GGACT: variants seen among roughly 807,000 people sequenced by gnomAD.
GGACT encodes the protein gamma-glutamylamine cyclotransferase.
For synonymous variants in GGACT, 118 were observed against 115.3 expected (o/e 1.02, Z -0.15); for missense variants, 241 against 233.2 (o/e 1.03, Z -0.22).
intron 2 of GGACT, among the ~76,000 whole-genome samples, chr13:100,565,239 A>C (rs2088800452): frequency 6.6e-6 from 1 of 152,236 alleles, no homozygotes; most frequent in Admixed American, 6.5e-5. Context: ...AGAGTTCAAA[A>C]AACTGGGAGA....
rs368059420 is a variant in GGACT, at chr13:100,544,967, C to A, written c.-10-12366G>T. Reference sequence around the variant, plus strand: ...CAAATTCCAGGCACGGCAGCAGGAGCGGAGGTGCTGCCAGCCCCTGCTGCC... The same window carrying A: ...CAAATTCCAGGCACGGCAGCAGGAGAGGAGGTGCTGCCAGCCCCTGCTGCC... On this transcript the variant is annotated intron_variant, in intron 2 of 2. Transcript: ENST00000683975. Among the ~76,000 whole-genome samples the A allele has an allele frequency of 5.9e-5, 9 of 152,332 alleles. No homozygotes were observed. The East Asian group carries it at 1.7e-3, about 29-fold the overall frequency.
At chr13:100,564,475 A>G (rs991078367) in intron 2 of GGACT, among the ~76,000 whole-genome samples, 1 of 152,244 alleles carries the variant, frequency 6.6e-6, no homozygotes, top group Non-Finnish European at 1.5e-5. Flanking sequence ...TTTTAAAAAA[A>G]TTATCCAAGT....
chr13:100,550,331 CA>C (rs1566532444), intron 2 of GGACT, among the ~76,000 whole-genome samples: 3 of 144,868 alleles, frequency 2.1e-5, no homozygotes, highest in African/African-American at 5.3e-5. Context: ...CACACACACA[CA>C]CACACACACA....
At chr13:100,574,482 A>G (rs905723208) in intron 2 of GGACT, among the ~76,000 whole-genome samples, 1 of 152,206 alleles carries the variant, frequency 6.6e-6, no homozygotes, top group Non-Finnish European at 1.5e-5. Flanking sequence ...AGGCTGAGGC[A>G]GAAGAATCGA....
intron 2 of GGACT, among the ~76,000 whole-genome samples, chr13:100,565,481 A>C (rs1369317161): frequency 6.6e-6 from 1 of 152,208 alleles, no homozygotes; most frequent in East Asian, 1.9e-4. Flanking sequence ...TGGTGACACC[A>C]GGTGTTTGAA....
At chr13:100,539,701 T>C (rs539615287) in intron 2 of GGACT, 4 of 595,670 alleles carry the variant, frequency 6.7e-6, no homozygotes, top group Admixed American at 3.2e-5. Flanking sequence ...ATCAGGGTGA[T>C]GCTCAACACT....
Position 100,534,141 on chromosome 13 carries a change from C to T in GGACT, c.-10-1540G>A, listed in dbSNP as rs1443029379. On this transcript the variant is annotated intron_variant, in intron 2 of 2. Coordinates refer to ENST00000683975, the MANE Select transcript of GGACT (RefSeq NM_001195087.2). This position sits in a 1 kb window ranked among gnomAD's most constrained non-coding sequence, Gnocchi z 4.9. ...CAAACAAGAGCTGCTCTGGGGGGTT[C>T]TAGGCCTCATTTTGCTCAAGAGGCA... is the stretch of plus-strand genomic sequence containing the variant. Among the ~76,000 whole-genome samples, 1 of 152,218 alleles carries T rather than the reference C, an allele frequency of 6.6e-6. No individual in the cohort carries two copies. The highest frequency in any genetic ancestry group is 1.5e-5 in the Non-Finnish European group (1 of 68,034).
chr13:100,535,933 CTG>C (rs1222366034), intron 2 of GGACT: 2 of 152,162 alleles, frequency 1.3e-5, no homozygotes, highest in African/African-American at 2.4e-5. Flanking sequence ...TCTGGGCTCT[CTG>C]TGTCGCTGCC....
At position 100,546,843 on chromosome 13, in the gene GGACT, G is replaced by A. The variant is rs1402875042; in HGVS notation, c.-10-14242C>T. On this transcript the variant is annotated intron_variant, in intron 2 of 2. Coordinates refer to ENST00000683975, the MANE Select transcript of GGACT (RefSeq NM_001195087.2). Reference sequence around the variant, plus strand: ...TTCTTGCTTTTCGAGCAAGGGAGTCGCATGGCCCATCCTCATGCCTCTAAA... The same window carrying A: ...TTCTTGCTTTTCGAGCAAGGGAGTCACATGGCCCATCCTCATGCCTCTAAA... Among the ~76,000 whole-genome samples, 4 of 152,312 alleles carry A rather than the reference G, an allele frequency of 2.6e-5. No homozygotes were observed. The East Asian group carries it at 5.8e-4, about 22-fold the overall frequency.
intron 2 of GGACT, among the ~76,000 whole-genome samples, chr13:100,572,595 G>T (rs113716329): frequency 0.015 from 2,268 of 152,250 alleles, 31 homozygotes; most frequent in Non-Finnish European, 0.024. Context: ...TTGCTATGTT[G>T]CCCAGGCTGG....
chr13:100,580,494 G>A (rs939454031), intron 2 of GGACT, among the ~76,000 whole-genome samples: 1 of 152,184 alleles, frequency 6.6e-6, no homozygotes, highest in Non-Finnish European at 1.5e-5. Context: ...TTGGAGGGAG[G>A]GCAGCCCTGA....
chr13:100,549,270 C>T (rs1348917427), intron 2 of GGACT, among the ~76,000 whole-genome samples: 13 of 152,278 alleles, frequency 8.5e-5, no homozygotes, highest in East Asian at 3.9e-4. Flanking sequence ...ACCTGGGAGG[C>T]GGAGGTTGCA....
intron 2 of GGACT, among the ~76,000 whole-genome samples, chr13:100,562,622 C>G (rs769028072): frequency 6.6e-6 from 1 of 151,942 alleles, no homozygotes; most frequent in Non-Finnish European, 1.5e-5. Context: ...ATAGTAAAAC[C>G]CCGTCTCTAC....
At chr13:100,548,168 G>A (rs2088625860) in intron 2 of GGACT, among the ~76,000 whole-genome samples, 1 of 152,242 alleles carries the variant, frequency 6.6e-6, no homozygotes, top group African/African-American at 2.4e-5. Context: ...CAGAAGGCAA[G>A]GGAGGCCTGG....
rs986889181 is a variant in GGACT, at chr13:100,539,966, G to A, written c.-10-7365C>T. On this transcript the variant is annotated intron_variant, in intron 2 of 2. Coordinates refer to ENST00000683975, the MANE Select transcript of GGACT (RefSeq NM_001195087.2). Reference sequence around the variant, plus strand: ...GGTCTAAATCGAGGTGGGGGTGTTCGGTCCTTGCGGGCTTCACGAGATCGA... The same window carrying A: ...GGTCTAAATCGAGGTGGGGGTGTTCAGTCCTTGCGGGCTTCACGAGATCGA... 2.5e-5 allele frequency: 39 copies of A among 1,545,006 alleles called. No homozygotes were observed. The East Asian group carries it at 2.7e-4, about 11-fold the overall frequency.
intron 2 of GGACT, among the ~76,000 whole-genome samples, chr13:100,559,790 CGGCTGA>C (rs2088743257): frequency 6.6e-6 from 1 of 152,132 alleles, no homozygotes; most frequent in Non-Finnish European, 1.5e-5. Context: ...ATACCACAGC[CGGCTGA>C]TAGGAAAGTC....
intron 2 of GGACT, among the ~76,000 whole-genome samples, chr13:100,553,077 G>A (rs1237235322): frequency 1.3e-5 from 2 of 152,164 alleles, no homozygotes; most frequent in African/African-American, 2.4e-5. Flanking sequence ...GGCAGGGCCC[G>A]GGCCTCCAAG....
intron 2 of GGACT, among the ~76,000 whole-genome samples, chr13:100,535,456 A>G: frequency 6.6e-6 from 1 of 152,136 alleles, no homozygotes; most frequent in Admixed American, 6.5e-5. Context: ...AGATCATATA[A>G]CCTCTCTGTG....
chr13:100,552,652 C>T (rs757873911), intron 2 of GGACT, among the ~76,000 whole-genome samples: 1 of 152,206 alleles, frequency 6.6e-6, no homozygotes, highest in Non-Finnish European at 1.5e-5. Flanking sequence ...TGCCTGCCAG[C>T]CACTTAATGT....
Sources: gnomAD v4.1 joint callset for allele counts (sites outside exome capture counted in the v4.1 genomes callset) on GRCh38, gnomAD v4.1.1 for gene constraint, Gnocchi (gnomAD v3.1) non-coding constraint, MANE v1.5 for transcripts, NCBI Gene and HGNC (gene_info 2026-07-23, HGNC 2026-07-21) for gene names.